COL6A6: variants seen among roughly 807,000 people sequenced by gnomAD.
The protein encoded by COL6A6 is collagen alpha-6(VI) chain.
A neutral mutation model predicts 208.6 loss-of-function variants in COL6A6; 183 were observed. The observed-to-expected ratio is 0.88, with a 90% CI of 0.78 to 0.99. The LOEUF is 0.99. COL6A6 is among the 50% of genes least tolerant of loss of function. The pLI is 0.00. For synonymous variants in COL6A6, 973 were observed against 1,011.8 expected (o/e 0.96, Z 0.73); for missense variants, 2,816 against 2,815.2 (o/e 1.00, Z -0.01).
chr3:130,574,142 G>A lies in COL6A6; in HGVS notation c.3164G>A (p.Gly1055Glu), dbSNP rs1177711569. 6.2e-7 allele frequency: 1 copy of A among 1,613,966 alleles called. No homozygotes were observed. The highest frequency in any genetic ancestry group is 1.7e-5 in the Admixed American group (1 of 60,024). ...ACCTATCACCCGGAGTTTCCACTGGGAACTTTCATAGGTGAAAAAGAGATA... is the reference window on the plus strand; with the variant it reads ...ACCTATCACCCGGAGTTTCCACTGGAAACTTTCATAGGTGAAAAAGAGATA... ...SDTYHPEFPL[G>E]TFIGEKEISF... Residue 1055 changes from glycine to glutamate, a missense_variant, in exon 8 of 37, where the codon GGA becomes GAA. Gly to Glu is a moderately conservative substitution (Grantham distance 98). Coordinates refer to ENST00000358511, the MANE Select transcript of COL6A6 (RefSeq NM_001102608.3).
At position 130,661,912 on chromosome 3, in the gene COL6A6, A is replaced by C; in HGVS notation, c.6106A>C (p.Thr2036Pro). ...TCCAGTTAGAGCTGAGTTCAATCTT[A>C]CCACCTACAGAAGTAAGCGCCTCAT... ...KSPVRAEFNLTTYRSKRLMKR... is the reference protein window; with the variant it reads ...KSPVRAEFNLPTYRSKRLMKR... The change falls in exon 35 of 37, where the codon ACC (threonine) becomes CCC (proline). Residue 2036 changes from threonine to proline, a missense_variant. Physicochemically the swap from Thr to Pro is conservative, Grantham distance 38. Coordinates refer to ENST00000358511, the MANE Select transcript of COL6A6 (RefSeq NM_001102608.3). 2 of 1,613,972 alleles carry C rather than the reference A, an allele frequency of 1.2e-6. No homozygotes were observed. Among genetic ancestry groups the C allele is most frequent in the Non-Finnish European group, 1.7e-6 (2 of 1,179,884 alleles).
rs368227266 is a variant in COL6A6 at position 130,599,767 on chromosome 3, G to A, written c.4610G>A (p.Gly1537Asp). ...CTGTTCCTTTGACAGGGCAGAAGAG[G>A]CTGGCCAGGCCCCCCCGGGACACCA... ...KGERGRQGRR[G>D]WPGPPGTPGS... The change falls in exon 20 of 37, where the codon GGC (glycine) becomes GAC (aspartate). Residue 1537 changes from glycine (G) to aspartate (D), a missense_variant. Transcript: ENST00000358511. 6.2e-7 allele frequency: 1 copy of A among 1,613,750 alleles called. No individual in the cohort carries two copies. The highest frequency in any genetic ancestry group is 1.3e-5 in the African/African-American group (1 of 75,040).
At chr3:130,657,033 C>T (rs906021139) in intron 33 of COL6A6, among the ~76,000 whole-genome samples, 3 of 152,244 alleles carry the variant, frequency 2.0e-5, no homozygotes, top group Admixed American at 6.5e-5. Context: ...CGCAGCCAGA[C>T]GGCTGCAACT....
At chr3:130,518,454 C>G (rs1280854458) in intron 1 of COL6A6, among the ~76,000 whole-genome samples, 1 of 152,214 alleles carries the variant, frequency 6.6e-6, no homozygotes, top group East Asian at 1.9e-4. Context: ...AAATAATGTT[C>G]TTTAAAATAC....
chr3:130,612,822 A>G (rs925681784), intron 23 of COL6A6, among the ~76,000 whole-genome samples: 2 of 152,118 alleles, frequency 1.3e-5, no homozygotes, highest in African/African-American at 4.8e-5. Context: ...GGCCATGTAT[A>G]TATCTTCTTT....
Position 130,661,804 on chromosome 3 carries a change from G to C in COL6A6, c.5998G>C (p.Glu2000Gln), listed in dbSNP as rs1050398222. 23 of 1,613,804 alleles carry C rather than the reference G, an allele frequency of 1.4e-5. No individual in the cohort carries two copies. Among genetic ancestry groups the C allele is most frequent in the Non-Finnish European group, 1.9e-5 (22 of 1,179,884 alleles). Residue 2000 changes from glutamate (E) to glutamine (Q), a missense_variant, in exon 35 of 37, where the codon GAG becomes CAG. Glu to Gln is a conservative substitution (Grantham distance 29, BLOSUM62 2). Transcript: ENST00000358511. ...ATTAGATCACTTTGAAATCACCCCAGAGCCGGAGACTTCTGTCACTGGAGA... is the reference window on the plus strand; with the variant it reads ...ATTAGATCACTTTGAAATCACCCCACAGCCGGAGACTTCTGTCACTGGAGA... The part of the protein sequence containing the change: ...ALLDHFEITP[E>Q]PETSVTGDRV...
At chr3:130,603,884 G>T (rs1320626637) in intron 20 of COL6A6, among the ~76,000 whole-genome samples, 2 of 152,044 alleles carry the variant, frequency 1.3e-5, no homozygotes, top group Non-Finnish European at 1.5e-5. Context: ...CAACCAGAAA[G>T]CCAGGCTTTG....
At chr3:130,578,303 T>C (rs1224230941) in intron 8 of COL6A6, among the ~76,000 whole-genome samples, 1 of 152,192 alleles carries the variant, frequency 6.6e-6, no homozygotes, top group Non-Finnish European at 1.5e-5. Context: ...AAAAAATAGA[T>C]GTTCATGTCC....
rs537436246 is a variant in COL6A6, at chr3:130,615,193, A to G, written c.4815+4482A>G. Among the ~76,000 whole-genome samples, 21 of 152,254 alleles carry G rather than the reference A, an allele frequency of 1.4e-4. No homozygotes were observed. In the South Asian group the frequency reaches 4.1e-3, roughly 30 times the overall value. On this transcript the variant is annotated intron_variant, in intron 23 of 36. Transcript: ENST00000358511. Reference sequence around the variant, plus strand: ...GATGTCTGCCTTAATTTCATTATTTACCCAAAAGTCATTCAGGAGCAGGTT... The same window carrying G: ...GATGTCTGCCTTAATTTCATTATTTGCCCAAAAGTCATTCAGGAGCAGGTT...
chr3:130,660,878 T>C (rs2065914746), intron 34 of COL6A6, among the ~76,000 whole-genome samples: 1 of 152,354 alleles, frequency 6.6e-6, no homozygotes, highest in Non-Finnish European at 1.5e-5. Context: ...CTGGCCACAG[T>C]CTCTTCTGTA....
rs781157719 is a variant in COL6A6 at position 130,627,348 on chromosome 3, T to A, written c.4971T>A (p.Ser1657Arg). The A allele has an allele frequency of 1.2e-6, 2 of 1,613,684 alleles. No individual in the cohort carries two copies. Among genetic ancestry groups the A allele is most frequent in the African/African-American group, 2.7e-5 (2 of 74,906 alleles). ...QGNDGSPGYGSVGRKGAKGQE... is the reference protein window; with the variant it reads ...QGNDGSPGYGRVGRKGAKGQE... Reference sequence around the variant, plus strand: ...ATGATGGCAGTCCAGGTTATGGTAGTGTCGGACGCAAGGGAGCAAAGGTAA... The same window carrying A: ...ATGATGGCAGTCCAGGTTATGGTAGAGTCGGACGCAAGGGAGCAAAGGTAA... Residue 1657 changes from serine (S) to arginine (R), a missense_variant, in exon 26 of 37, where the codon AGT (serine) becomes AGA (arginine). Coordinates refer to ENST00000358511, the MANE Select transcript of COL6A6 (RefSeq NM_001102608.3).
chr3:130,622,904 T>G (rs1298062249), intron 24 of COL6A6, among the ~76,000 whole-genome samples: 2 of 151,288 alleles, frequency 1.3e-5, no homozygotes, highest in Non-Finnish European at 2.9e-5. Flanking sequence ...AGATAAAAAT[T>G]TTGGCAAGCA....
intron 1 of COL6A6, among the ~76,000 whole-genome samples, chr3:130,518,048 G>A (rs565662566): frequency 6.6e-6 from 1 of 152,158 alleles, no homozygotes; most frequent in African/African-American, 2.4e-5. Context: ...GAGGCAGGCT[G>A]GAAGAGGAAA....
At chr3:130,656,920 C>T (rs1464883949) in intron 33 of COL6A6, among the ~76,000 whole-genome samples, 1 of 152,246 alleles carries the variant, frequency 6.6e-6, no homozygotes, top group Non-Finnish European at 1.5e-5. Context: ...AGAGCAGGTG[C>T]TGGAGCAGAG....
At chr3:130,654,151 G>A (rs1478109052) in intron 33 of COL6A6, among the ~76,000 whole-genome samples, 1 of 152,234 alleles carries the variant, frequency 6.6e-6, no homozygotes, top group East Asian at 1.9e-4. Flanking sequence ...TAATACAGAA[G>A]ATGGAAGGTA....
chr3:130,623,040 A>G (rs916136989), intron 24 of COL6A6, among the ~76,000 whole-genome samples: 3 of 152,148 alleles, frequency 2.0e-5, no homozygotes, highest in Non-Finnish European at 2.9e-5. Flanking sequence ...GCCAAAAACA[A>G]CAAGAAAGCC....
At chr3:130,624,743 G>A (rs1465778401) in intron 24 of COL6A6, among the ~76,000 whole-genome samples, 2 of 152,068 alleles carry the variant, frequency 1.3e-5, no homozygotes, top group South Asian at 2.1e-4. Flanking sequence ...GTCAGGGGTC[G>A]GGGGCAGGTC....
At chr3:130,597,951 G>A (rs1164830963) in intron 18 of COL6A6, among the ~76,000 whole-genome samples, 3 of 152,078 alleles carry the variant, frequency 2.0e-5, no homozygotes, top group Non-Finnish European at 4.4e-5. Context: ...TTTTCCCAAG[G>A]GTATGGTAGA....
intron 31 of COL6A6, 147 bp from the exon 32 acceptor site, chr3:130,644,844 C>CT: frequency 1.4e-6 from 1 of 732,108 alleles, no homozygotes; most frequent in South Asian, 1.6e-5. Context: ...ATGTTAGACT[C>CT]TGTCTGCATT....
Sources: gnomAD v4.1 joint callset for allele counts (sites outside exome capture counted in the v4.1 genomes callset) on GRCh38, gnomAD v4.1.1 for gene constraint, MANE v1.5 for transcripts, NCBI Gene and HGNC (gene_info 2026-07-23, HGNC 2026-07-21) for gene names.